The following TBL1XR1 variants were observed in gnomAD, a reference collection of about 807,000 sequenced individuals.
TBL1XR1 encodes F-box-like/WD repeat-containing protein TBL1XR1.
TBL1XR1 carries 5 observed loss-of-function variants against 66.9 expected under a neutral mutation model. The observed-to-expected ratio is 0.07, with a 90% CI of 0.04 to 0.16. The LOEUF (loss-of-function observed/expected upper bound fraction) is 0.16. Ranked by LOEUF, TBL1XR1 falls within the 10% of genes least tolerant of loss-of-function variation. The probability of loss-of-function intolerance (pLI) is 1.00; values close to 1 mark genes in which losing one functional copy is unlikely to be tolerated. For missense variants in TBL1XR1, 238 were observed against 623.2 expected (o/e 0.38, Z 6.58); for synonymous variants, 210 against 206.0 (o/e 1.02, Z -0.17).
intron 2 of TBL1XR1, among the ~76,000 whole-genome samples, chr3:177,068,483 T>C (rs1344392126): frequency 2.6e-5 from 4 of 152,218 alleles, no homozygotes; most frequent in Non-Finnish European, 2.9e-5. Context: ...CTGCATAACT[T>C]TGTAGCCAAT....
chr3:177,142,914 C>CA (rs1188536388), intron 1 of TBL1XR1, among the ~76,000 whole-genome samples: 7 of 151,260 alleles, frequency 4.6e-5, no homozygotes, highest in Admixed American at 2.0e-4. Flanking sequence ...CACCTGAAGA[C>CA]AAAAAAAAGA....
At chr3:177,141,454 T>C (rs1307947811) in intron 1 of TBL1XR1, among the ~76,000 whole-genome samples, 5 of 152,028 alleles carry the variant, frequency 3.3e-5, no homozygotes, top group Non-Finnish European at 7.3e-5. Context: ...CAGAACAGTA[T>C]GCATATGATC....
intron 1 of TBL1XR1, among the ~76,000 whole-genome samples, chr3:177,102,998 G>A (rs75002323): frequency 1.3e-5 from 2 of 152,262 alleles, no homozygotes; most frequent in East Asian, 3.9e-4. Flanking sequence ...ATAATGCCTT[G>A]AACATACATG....
At chr3:177,100,711 C>T (rs1324807407) in intron 1 of TBL1XR1, among the ~76,000 whole-genome samples, 1 of 152,176 alleles carries the variant, frequency 6.6e-6, no homozygotes, top group Non-Finnish European at 1.5e-5. Flanking sequence ...AGGGGTGAGC[C>T]ACTGTGCTGG....
chr3:177,054,045 CGTGTGTGTGTGTGTGTGTGT>C lies in TBL1XR1; in HGVS notation c.59-147_59-128del, dbSNP rs3046468. 9.2e-4 allele frequency: 567 copies of C among 615,502 alleles called. 1 individual carries two copies. Among genetic ancestry groups the C allele is most frequent in the Admixed American group, 1.6e-3 (48 of 30,774 alleles). The allele number at this position is 615,502 out of a possible 1,614,324, so 38.1% of individuals were successfully genotyped here. ...CCCATTTAAAATCCCAGACGAAGGT[CGTGTGTGTGTGTGTGTGTGT>C]GTGTGTGTGCGCGCGCGTGTGTGTG... On this transcript the variant is annotated intron_variant, in intron 3 of 15. Transcript: ENST00000457928.
In TBL1XR1 at chr3:177,115,627, C is replaced by G. The variant is rs545682157; in HGVS notation, c.-121-17086G>C. On this transcript the variant is annotated intron_variant, in intron 1 of 15. Transcript: ENST00000457928. The stretch of plus-strand genomic sequence containing the variant: ...ATCCGTACGCCTCATTCCACTCTTT[C>G]CCCGCAACTTTGAGGTCTACAGCCC... Among the ~76,000 whole-genome samples the G allele has an allele frequency of 1.2e-4, 19 of 152,284 alleles. No homozygotes were observed. In the South Asian group the frequency reaches 3.9e-3, roughly 32 times the overall value.
At chr3:177,088,970 C>A (rs1722491337) in intron 2 of TBL1XR1, among the ~76,000 whole-genome samples, 1 of 152,100 alleles carries the variant, frequency 6.6e-6, no homozygotes, top group Non-Finnish European at 1.5e-5. Flanking sequence ...ATGGATGCTA[C>A]ATTTATAAGT....
intron 10 of TBL1XR1, among the ~76,000 whole-genome samples, chr3:177,042,242 A>AT (rs1715687559): frequency 6.6e-6 from 1 of 152,134 alleles, no homozygotes; most frequent in African/African-American, 2.4e-5. Flanking sequence ...GTGCAAAAAA[A>AT]TGGGGAAGGG....
At chr3:177,069,580 T>A (rs981707462) in intron 2 of TBL1XR1, among the ~76,000 whole-genome samples, 1 of 150,808 alleles carries the variant, frequency 6.6e-6, no homozygotes, top group Non-Finnish European at 1.5e-5. Context: ...CAAAAAAAAA[T>A]ACAAAAAAAT....
intron 1 of TBL1XR1, among the ~76,000 whole-genome samples, chr3:177,196,683 G>A (rs1317951375): frequency 3.3e-5 from 5 of 151,906 alleles, no homozygotes; most frequent in Non-Finnish European, 7.4e-5. Context: ...AAAGGAGTCG[G>A]CCTCATGATG....
chr3:177,178,511 A>G (rs1238764648), intron 1 of TBL1XR1, among the ~76,000 whole-genome samples: 4 of 152,192 alleles, frequency 2.6e-5, no homozygotes, highest in African/African-American at 9.7e-5. Flanking sequence ...CAATGTGAAT[A>G]AAAATACAAA....
intron 7 of TBL1XR1, among the ~76,000 whole-genome samples, chr3:177,049,160 T>C (rs1716712097): frequency 6.6e-6 from 1 of 152,198 alleles, no homozygotes; most frequent in Admixed American, 6.5e-5. Context: ...GGGATAATCA[T>C]TTTAAAGATA....
At chr3:177,120,785 T>TA (rs1726894205) in intron 1 of TBL1XR1, 1 of 152,258 alleles carries the variant, frequency 6.6e-6, no homozygotes, top group South Asian at 2.1e-4. Context: ...GTTAACTCAC[T>TA]ACCTTCGGAC....
chr3:177,198,341 T>C (rs949994376), upstream of TBL1XR1, among the ~76,000 whole-genome samples: 16 of 152,296 alleles, frequency 1.1e-4, no homozygotes, highest in Admixed American at 5.9e-4. Context: ...TTTGAAAGGT[T>C]TGCTCGATCA....
chr3:177,046,342 C>T (rs1051648201), intron 9 of TBL1XR1, among the ~76,000 whole-genome samples, 153 bp from the exon 10 acceptor site: 1 of 152,080 alleles, frequency 6.6e-6, no homozygotes, highest in Non-Finnish European at 1.5e-5. Flanking sequence ...AGGCTATATA[C>T]TTTGGGAGAA....
intron 1 of TBL1XR1, among the ~76,000 whole-genome samples, chr3:177,169,459 G>C (rs1395888397): frequency 6.6e-6 from 1 of 152,160 alleles, no homozygotes; most frequent in Non-Finnish European, 1.5e-5. Context: ...TCAAAGCTAA[G>C]AAAAGCATGA....
At chr3:177,108,589 C>T (rs1000798571) in intron 1 of TBL1XR1, among the ~76,000 whole-genome samples, 14 of 151,996 alleles carry the variant, frequency 9.2e-5, no homozygotes, top group African/African-American at 3.1e-4. Flanking sequence ...AAGGCATTTT[C>T]GCACAGAAGT....
At chr3:177,200,309 G>T (rs962344832), upstream of TBL1XR1, among the ~76,000 whole-genome samples, 1 of 152,158 alleles carries the variant, frequency 6.6e-6, no homozygotes, top group African/African-American at 2.4e-5. Context: ...AAAAATAGGG[G>T]CACCCAAATG....
At position 177,116,692 on chromosome 3, in the gene TBL1XR1, T is replaced by C. The variant is rs557026000; in HGVS notation, c.-121-18151A>G. Among the ~76,000 whole-genome samples, 4 of 152,334 alleles carry C rather than the reference T, an allele frequency of 2.6e-5. No homozygotes were observed. In the South Asian group the frequency reaches 8.3e-4, roughly 32 times the overall value. The stretch of plus-strand genomic sequence containing the variant: ...TGAGAATCAAACAACAAGCTGGTTA[T>C]TTAACCTCTCTAAACCTCAGTTTTC... On this transcript the variant is annotated intron_variant, in intron 1 of 15. Coordinates refer to ENST00000457928, the MANE Select transcript of TBL1XR1 (RefSeq NM_024665.7).
Sources: allele counts gnomAD v4.1 joint callset (sites outside exome capture counted in the v4.1 genomes callset), GRCh38; gene constraint gnomAD v4.1.1; transcripts MANE v1.5; gene names NCBI Gene and HGNC (gene_info 2026-07-23, HGNC 2026-07-21).